The following VAT1L variants were observed in gnomAD, a reference collection of about 807,000 sequenced individuals.
The protein encoded by VAT1L is putative NADPH-dependent quinone oxidoreductase VAT1L.
A neutral mutation model predicts 44.1 loss-of-function variants in VAT1L; 34 were observed. The ratio of observed to expected loss-of-function variants is 0.77; its 90% CI spans 0.59 to 1.03. The LOEUF (loss-of-function observed/expected upper bound fraction) is 1.03, where lower values mean the gene tolerates loss of function less well. Ranked by LOEUF, VAT1L falls within the 50% of genes least tolerant of loss-of-function variation. VAT1L has a pLI of 0.00. For synonymous variants in VAT1L, 253 were observed against 202.2 expected (o/e 1.25, Z -2.13); for missense variants, 615 against 538.8 (o/e 1.14, Z -1.40).
intron 1 of VAT1L, among the ~76,000 whole-genome samples, chr16:77,804,147 T>G (rs917124165): frequency 6.6e-6 from 1 of 152,322 alleles, no homozygotes; most frequent in Admixed American, 6.5e-5. Flanking sequence ...TGAATTTCAA[T>G]TGGATGACAT....
Position 77,906,889 on chromosome 16 carries a change from C to G in VAT1L, c.1077+22087C>G, listed in dbSNP as rs1228391505. Among the ~76,000 whole-genome samples the G allele has an allele frequency of 6.0e-5, 9 of 149,920 alleles. No homozygotes were observed. The East Asian group carries it at 1.8e-3, about 30-fold the overall frequency. On this transcript the variant is annotated intron_variant, in intron 7 of 8. Coordinates refer to ENST00000302536, the MANE Select transcript of VAT1L (RefSeq NM_020927.3). ...GTGGATCTGGCCCTGGCAACAGCAG[C>G]TAGGGTATAAAGGGGCCCAGAAGAT...
rs1000288073 is a variant in VAT1L at position 77,879,684 on chromosome 16, G to T, written c.882+460G>T. On this transcript the variant is annotated intron_variant, in intron 6 of 8. Transcript: ENST00000302536. The surrounding 1 kb of genome is among the most constrained non-coding windows in gnomAD (Gnocchi z 4.1). ...CACTCCTGCCCTATTCCCTGCAAATGGTCAGGACCAGAATTTAGACTACTT... is the reference window on the plus strand; with the variant it reads ...CACTCCTGCCCTATTCCCTGCAAATTGTCAGGACCAGAATTTAGACTACTT... Among the ~76,000 whole-genome samples, 11 of 152,164 alleles carry T rather than the reference G, an allele frequency of 7.2e-5. No individual in the cohort carries two copies. The highest frequency in any genetic ancestry group is 1.6e-4 in the Non-Finnish European group (11 of 68,034).
chr16:77,844,821 A>T (rs2016742773), intron 3 of VAT1L, among the ~76,000 whole-genome samples: 1 of 151,382 alleles, frequency 6.6e-6, no homozygotes, highest in South Asian at 2.1e-4. Flanking sequence ...ACAAACATAT[A>T]CACATATACA....
At chr16:77,894,936 C>T (rs559563869) in intron 7 of VAT1L, among the ~76,000 whole-genome samples, 32 of 152,224 alleles carry the variant, frequency 2.1e-4, no homozygotes, top group African/African-American at 7.2e-4. Context: ...ACCATCCCAC[C>T]TTGTCCATTC....
intron 1 of VAT1L, among the ~76,000 whole-genome samples, chr16:77,793,940 C>T (rs935884434): frequency 6.6e-6 from 1 of 152,150 alleles, no homozygotes; most frequent in Admixed American, 6.5e-5. Context: ...TTCATTTCAT[C>T]CTAATGACAA....
At chr16:77,914,273 C>A (rs1404238112) in intron 7 of VAT1L, among the ~76,000 whole-genome samples, 1 of 152,186 alleles carries the variant, frequency 6.6e-6, no homozygotes, top group Non-Finnish European at 1.5e-5. Context: ...TTATAACTTA[C>A]AACTTTTTAG....
intron 7 of VAT1L, among the ~76,000 whole-genome samples, chr16:77,922,795 G>A (rs1567509330): frequency 6.6e-6 from 1 of 152,184 alleles, no homozygotes; most frequent in Non-Finnish European, 1.5e-5. Flanking sequence ...CCTCCCCATG[G>A]AGCCAGGATT....
intron 7 of VAT1L, among the ~76,000 whole-genome samples, chr16:77,900,416 G>C (rs567018168): frequency 6.6e-6 from 1 of 152,040 alleles, no homozygotes; most frequent in African/African-American, 2.4e-5. Flanking sequence ...AAAAAGGGCC[G>C]GGCAAGGTGG....
At chr16:77,807,389 T>C (rs1056634961) in intron 1 of VAT1L, among the ~76,000 whole-genome samples, 25 of 152,182 alleles carry the variant, frequency 1.6e-4, no homozygotes, top group Non-Finnish European at 4.4e-5. Flanking sequence ...GCAGCCCTCA[T>C]TCCTGACTGG....
intron 4 of VAT1L, among the ~76,000 whole-genome samples, chr16:77,875,961 A>G (rs1233150226): frequency 1.3e-5 from 2 of 152,060 alleles, no homozygotes. Flanking sequence ...CTTGCTCTAC[A>G]CATAGGAGTT....
chr16:77,925,219 G>A (rs1248179663), intron 7 of VAT1L, among the ~76,000 whole-genome samples: 2 of 152,110 alleles, frequency 1.3e-5, no homozygotes, highest in Non-Finnish European at 1.5e-5. Context: ...AGGTTCACGT[G>A]CAGCCTGGAG....
chr16:77,788,895 C>G lies in VAT1L; in HGVS notation c.213C>G (p.Leu71=). ...KAMPEPQDGE[L]KIRVKACGLN... Reference sequence around the variant, plus strand: ...TGCCCGAGCCTCAGGACGGCGAGCTCAAGATCCGCGTCAAAGCCTGGTCCA... The same window carrying G: ...TGCCCGAGCCTCAGGACGGCGAGCTGAAGATCCGCGTCAAAGCCTGGTCCA... The change falls in exon 1 of 9, where the codon CTC becomes CTG. Residue 71 remains leucine (L), a synonymous_variant. Transcript: ENST00000302536. 2 of 1,537,338 alleles carry G rather than the reference C, an allele frequency of 1.3e-6. No individual in the cohort carries two copies. The highest frequency in any genetic ancestry group is 1.7e-6 in the Non-Finnish European group (2 of 1,143,896).
rs2018359817 is a variant in VAT1L at position 77,978,006 on chromosome 16, A to G, written c.*311A>G. The G allele has an allele frequency of 1.1e-5, 3 of 274,132 alleles. No individual in the cohort carries two copies. The highest frequency in any genetic ancestry group is 4.5e-5 in the South Asian group (1 of 21,996). 17.0% of individuals were successfully genotyped at this position (274,132 alleles called of 1,614,324 possible). On this transcript the variant is annotated 3_prime_UTR_variant, in exon 9 of 9. Coordinates refer to ENST00000302536, the MANE Select transcript of VAT1L (RefSeq NM_020927.3). ...CAAATTAATACAAGTCCCAGGCCCA[A>G]TGCCTAAGAGACCAGACGTGGGCAA...
intron 3 of VAT1L, among the ~76,000 whole-genome samples, chr16:77,843,269 C>T (rs9922309): frequency 2.0e-5 from 3 of 152,046 alleles, no homozygotes; most frequent in South Asian, 2.1e-4. Flanking sequence ...TGTTGGCCTC[C>T]GAGAAGCCAG....
At position 77,841,324 on chromosome 16, in the gene VAT1L, C is replaced by T. The variant is rs147178402; in HGVS notation, c.579+15863C>T. ...TTTTGAACTCCTGGGCTCATGCAGTCCTCCTGCCTTGGTCTCCCAAAGTGC... is the reference window on the plus strand; with the variant it reads ...TTTTGAACTCCTGGGCTCATGCAGTTCTCCTGCCTTGGTCTCCCAAAGTGC... On this transcript the variant is annotated intron_variant, in intron 3 of 8. Transcript: ENST00000302536. 1.1e-4 allele frequency among the ~76,000 whole-genome samples: 17 copies of T among 152,350 alleles called. No homozygotes were observed. In the South Asian group the frequency reaches 1.2e-3, roughly 11 times the overall value.
At chr16:77,955,725 C>CG (rs1341328888) in intron 7 of VAT1L, among the ~76,000 whole-genome samples, 15 of 122,956 alleles carry the variant, frequency 1.2e-4, no homozygotes, top group Non-Finnish European at 2.3e-4. Flanking sequence ...CATATCCCCC[C>CG]CCCCAAAAAA....
rs776007219 is a variant in VAT1L at position 77,825,572 on chromosome 16, T to C, written c.579+111T>C. 52 of 1,255,992 alleles carry C rather than the reference T, an allele frequency of 4.1e-5. No individual in the cohort carries two copies. The Admixed American group carries it at 5.3e-4, about 13-fold the overall frequency. 77.8% of individuals were successfully genotyped at this position (1,255,992 alleles called of 1,614,324 possible). A position where few individuals can be genotyped will look rare whatever the true frequency, so the allele number is the denominator to read the frequency against. ...TGTCCTTTAGCAGGAATCATCACTA[T>C]GGTTCTGGTAGAGTTCACATGGACA... On this transcript the variant is annotated intron_variant, in intron 3 of 8. Transcript: ENST00000302536.
chr16:77,802,442 C>T, intron 1 of VAT1L, among the ~76,000 whole-genome samples: 1 of 152,032 alleles, frequency 6.6e-6, no homozygotes, highest in Non-Finnish European at 1.5e-5. Context: ...TGGTAAAAGC[C>T]CGTCTCTACT....
chr16:77,920,240 T>G (rs2017597289), intron 7 of VAT1L, among the ~76,000 whole-genome samples: 1 of 152,186 alleles, frequency 6.6e-6, no homozygotes, highest in African/African-American at 2.4e-5. Flanking sequence ...TTCATTCAAG[T>G]CTGGCCATTG....
Sources: gnomAD v4.1 joint callset for allele counts (sites outside exome capture counted in the v4.1 genomes callset) on GRCh38, gnomAD v4.1.1 for gene constraint, Gnocchi (gnomAD v3.1) non-coding constraint, MANE v1.5 for transcripts, NCBI Gene and HGNC (gene_info 2026-07-23, HGNC 2026-07-21) for gene names.